The following NBPF3 variants were observed in gnomAD, a reference collection of about 807,000 sequenced individuals.
NBPF3 encodes the protein NBPF member 3, also known as NBPF family member NBPF3.
NBPF3 carries 57 observed loss-of-function variants against 78.1 expected under a neutral mutation model. The ratio of observed to expected loss-of-function variants is 0.73; its 90% CI spans 0.59 to 0.91. The LOEUF (loss-of-function observed/expected upper bound fraction) is 0.91, where lower values mean the gene tolerates loss of function less well. NBPF3 is among the 40% of genes least tolerant of loss of function. The pLI, the probability that NBPF3 is intolerant of heterozygous loss-of-function variation, is 0.00. For missense variants in NBPF3, 510 were observed against 715.3 expected, an observed-to-expected ratio of 0.71 and a Z score of 3.27; for synonymous variants, 182 against 271.7, an observed-to-expected ratio of 0.67 and a Z score of 3.25.
intron 2 of NBPF3, chr1:21,468,129 G>T: frequency 6.3e-6 from 1 of 158,770 alleles, no homozygotes; most frequent in Non-Finnish European, 1.4e-5. Context: ...GAGAGCAGGT[G>T]GGGTGACTTC....
intron 2 of NBPF3, among the ~76,000 whole-genome samples, chr1:21,459,506 T>C (rs770055968): frequency 3.9e-5 from 6 of 152,086 alleles, no homozygotes; most frequent in Admixed American, 2.0e-4. Context: ...TAGAGGAAGG[T>C]GTCTGTCCAT....
Position 21,483,304 on chromosome 1 carries a change from T to C in NBPF3, c.1820T>C (p.Leu607Pro). 1 of 1,313,976 alleles carries C rather than the reference T, an allele frequency of 7.6e-7. No homozygotes were observed. Among genetic ancestry groups the C allele is most frequent in the Non-Finnish European group, 1.0e-6 (1 of 966,754 alleles). The allele number at this position is 1,313,976 out of a possible 1,614,324, so 81.4% of individuals were successfully genotyped here. Residue 607 changes from leucine to proline, a missense_variant, in exon 15 of 15, where the codon CTT (leucine) becomes CCT (proline). Coordinates refer to ENST00000318249, the MANE Select transcript of NBPF3 (RefSeq NM_032264.6). ...GAGGAACAGGACGTCAGCTTGGCCCTTGACGTGGACAATAGGTTTTTTACT... is the reference window on the plus strand; with the variant it reads ...GAGGAACAGGACGTCAGCTTGGCCCCTGACGTGGACAATAGGTTTTTTACT... ...SFEEQDVSLA[L>P]DVDNRFFTLT...
At position 21,444,609 on chromosome 1, in the gene NBPF3, C is replaced by T. The variant is rs371023929; in HGVS notation, c.-139-339C>T. Among the ~76,000 whole-genome samples, 11 of 152,270 alleles carry T rather than the reference C, an allele frequency of 7.2e-5. 2 individuals are homozygous for T. The highest frequency in any genetic ancestry group is 2.6e-4 in the African/African-American group (11 of 41,556). On this transcript the variant is annotated intron_variant, in intron 1 of 14. Coordinates refer to ENST00000318249, the MANE Select transcript of NBPF3 (RefSeq NM_032264.6). ...CTGGAGTACAGTGGTGCCATCATAGCTCACTAACCTCTAACTCAAGGCTCA... is the reference window on the plus strand; with the variant it reads ...CTGGAGTACAGTGGTGCCATCATAGTTCACTAACCTCTAACTCAAGGCTCA...
chr1:21,461,411 T>C (rs1641943217), intron 2 of NBPF3, among the ~76,000 whole-genome samples: 1 of 152,146 alleles, frequency 6.6e-6, no homozygotes, highest in Non-Finnish European at 1.5e-5. Context: ...TCAAACAAAT[T>C]AGTGGCATAT....
intron 1 of NBPF3, among the ~76,000 whole-genome samples, chr1:21,442,882 G>A (rs1445798990): frequency 6.6e-6 from 1 of 152,054 alleles, no homozygotes; most frequent in East Asian, 1.9e-4. Flanking sequence ...GGTTGGTCTC[G>A]AACTCTTGGG....
rs1038231214 is a variant in NBPF3, at chr1:21,460,714, C to G, written c.134-7974C>G. ...TTGACACAGGAAAATGTTTCTTAGA[C>G]TAGATACTGTAACACTCACCACAAT... On this transcript the variant is annotated intron_variant, in intron 2 of 14. Transcript: ENST00000318249. This position sits in a 1 kb window ranked among gnomAD's most constrained non-coding sequence, Gnocchi z 4.2. Among the ~76,000 whole-genome samples, 8 of 152,136 alleles carry G rather than the reference C, an allele frequency of 5.3e-5. No homozygotes were observed. Among genetic ancestry groups the G allele is most frequent in the Non-Finnish European group, 1.0e-4 (7 of 68,008 alleles).
At chr1:21,471,311 A>G (rs1346009915) in intron 4 of NBPF3, among the ~76,000 whole-genome samples, 1 of 152,210 alleles carries the variant, frequency 6.6e-6, no homozygotes, top group Admixed American at 6.5e-5. Flanking sequence ...AATGAGGAAG[A>G]CACCTACTTT....
chr1:21,449,223 G>C (rs1475229907), intron 2 of NBPF3, among the ~76,000 whole-genome samples: 1 of 152,054 alleles, frequency 6.6e-6, no homozygotes, highest in Non-Finnish European at 1.5e-5. Context: ...GTGGACTATT[G>C]TGTTTGTTTT....
At position 21,473,461 on chromosome 1, in the gene NBPF3, C is replaced by T. The variant is rs767639145; in HGVS notation, c.816C>T (p.His272=). The T allele has an allele frequency of 1.2e-6, 2 of 1,614,154 alleles. No homozygotes were observed. Among genetic ancestry groups the T allele is most frequent in the Non-Finnish European group, 1.7e-6 (2 of 1,180,036 alleles). The part of the protein sequence containing the change: ...ECAITCSNSH[H]PCESNQPYGN... ...CCATCACTTGTTCAAATAGCCACCA[C>T]CCTTGTGAGTCCAACCAGCCTTACG... Residue 272 remains histidine (H), a synonymous_variant, in exon 7 of 15, where the codon CAC becomes CAT. Transcript: ENST00000318249.
At position 21,477,656 on chromosome 1, in the gene NBPF3, A is replaced by AT. The variant is rs545808749; in HGVS notation, c.993-482dup. Among the ~76,000 whole-genome samples the AT allele has an allele frequency of 4.2e-4, 64 of 152,230 alleles. No homozygotes were observed. In the East Asian group the frequency reaches 9.5e-3, roughly 23 times the overall value. ...GAGAATGTATAAATGCTTTCTGCTTATTTTTTATTAGTGTGTTTGCTAGTA... is the reference window on the plus strand; with the variant it reads ...GAGAATGTATAAATGCTTTCTGCTTATTTTTTTATTAGTGTGTTTGCTAGTA... On this transcript the variant is annotated intron_variant, in intron 8 of 14. Coordinates refer to ENST00000318249, the MANE Select transcript of NBPF3 (RefSeq NM_032264.6).
At chr1:21,475,798 C>T (rs1421229679) in intron 8 of NBPF3, among the ~76,000 whole-genome samples, 3 of 152,096 alleles carry the variant, frequency 2.0e-5, no homozygotes. Flanking sequence ...CTGCTTGGTG[C>T]AGAGCTGAGT....
In NBPF3 at chr1:21,447,737, T is replaced by C. The variant is rs374843243; in HGVS notation, c.133+2518T>C. 5.9e-5 allele frequency among the ~76,000 whole-genome samples: 9 copies of C among 152,258 alleles called. No individual in the cohort carries two copies. In the East Asian group the frequency reaches 1.7e-3, roughly 29 times the overall value. On this transcript the variant is annotated intron_variant, in intron 2 of 14. Transcript: ENST00000318249. The stretch of plus-strand genomic sequence containing the variant: ...CTTCTGTGCAGGATTTTGAGTGAAC[T>C]TGTTTTCCAAAGTGACAGTACCCTT...
In NBPF3 at chr1:21,484,714, TATTA is replaced by T. The variant is rs1258948174; in HGVS notation, c.*1331_*1334del. 6.1e-5 allele frequency: 4 copies of T among 65,244 alleles called. 2 individuals carry two copies. The highest frequency in any genetic ancestry group is 1.6e-4 in the African/African-American group (4 of 25,104). 4.0% of individuals were successfully genotyped at this position (65,244 alleles called of 1,614,324 possible). On this transcript the variant is annotated 3_prime_UTR_variant, in exon 15 of 15. Coordinates refer to ENST00000318249, the MANE Select transcript of NBPF3 (RefSeq NM_032264.6). ...ATCATCCTCTAAACGTTTTATCATT[TATTA>T]ATCATCCCTGCCTGTGTCTATTATT...
At chr1:21,444,137 A>C (rs747666413) in intron 1 of NBPF3, among the ~76,000 whole-genome samples, 1 of 152,158 alleles carries the variant, frequency 6.6e-6, no homozygotes. Flanking sequence ...ATATTGAATA[A>C]ATATTTCTTA....
intron 2 of NBPF3, among the ~76,000 whole-genome samples, chr1:21,464,065 A>C (rs1474506414): frequency 6.6e-6 from 1 of 152,198 alleles, no homozygotes; most frequent in Non-Finnish European, 1.5e-5. Context: ...AAAAAGTTAA[A>C]CATAAAAAAA....
At chr1:21,440,999 C>G (rs139630549) in intron 1 of NBPF3, 1 of 152,430 alleles carries the variant, frequency 6.6e-6, no homozygotes, top group East Asian at 1.9e-4. Flanking sequence ...TTTCTGGCTT[C>G]TTAGATCATC....
chr1:21,462,460 A>G (rs985226849), intron 2 of NBPF3, among the ~76,000 whole-genome samples: 1 of 152,234 alleles, frequency 6.6e-6, no homozygotes, highest in African/African-American at 2.4e-5. Flanking sequence ...AACTGTTAGC[A>G]TACAACAGAG....
chr1:21,450,501 A>G lies in NBPF3; in HGVS notation c.133+5282A>G, dbSNP rs375933009. Among the ~76,000 whole-genome samples the G allele has an allele frequency of 3.9e-5, 6 of 152,292 alleles. No individual in the cohort carries two copies. The South Asian group carries it at 1.2e-3, about 32-fold the overall frequency. ...AACTGGCATATAACATCATAATCAC[A>G]GGAATGCTGTCTCATCACCTTAACA... On this transcript the variant is annotated intron_variant, in intron 2 of 14. Coordinates refer to ENST00000318249, the MANE Select transcript of NBPF3 (RefSeq NM_032264.6).
intron 2 of NBPF3, among the ~76,000 whole-genome samples, chr1:21,459,488 G>GGT (rs1641824899): frequency 1.3e-5 from 2 of 151,914 alleles, no homozygotes; most frequent in African/African-American, 4.8e-5. Flanking sequence ...ACACAGGAGG[G>GGT]CTATGGGTAG....
Sources: allele counts gnomAD v4.1 joint callset (sites outside exome capture counted in the v4.1 genomes callset), GRCh38; gene constraint gnomAD v4.1.1; non-coding constraint Gnocchi (gnomAD v3.1); transcripts MANE v1.5; gene names NCBI Gene and HGNC (gene_info 2026-07-23, HGNC 2026-07-21).